Variants in FTCDNL1 observed in about 807,000 individuals in gnomAD.
FTCDNL1 encodes formiminotransferase N-terminal subdomain-containing protein.
In FTCDNL1, 11 loss-of-function variants were observed where a neutral mutation model predicts 5.9. The ratio of observed to expected loss-of-function variants is 1.87; its 90% CI spans 1.18 to 3.10. The LOEUF is 3.10. Among genes scored for constraint, FTCDNL1 ranks in the 30% most tolerant of loss-of-function variants. FTCDNL1 has a pLI of 0.00. For missense variants in FTCDNL1, 115 were observed against 65.5 expected (o/e 1.76, Z -2.61); for synonymous variants, 58 against 24.8 (o/e 2.34, Z -3.99).
chr2:199,781,532 T>C (rs750116149), intron 3 of FTCDNL1, among the ~76,000 whole-genome samples: 1 of 152,140 alleles, frequency 6.6e-6, no homozygotes, highest in Non-Finnish European at 1.5e-5. Context: ...ATTGACACAA[T>C]AGACCAGTAA....
chr2:199,774,122 C>T (rs368330776), intron 3 of FTCDNL1, among the ~76,000 whole-genome samples: 6 of 152,342 alleles, frequency 3.9e-5, no homozygotes, highest in African/African-American at 9.6e-5. Context: ...CCATCTTCTA[C>T]ACAAAAGTTC....
intron 3 of FTCDNL1, among the ~76,000 whole-genome samples, chr2:199,797,339 T>C (rs1213919140): frequency 6.6e-6 from 1 of 152,206 alleles, no homozygotes; most frequent in East Asian, 1.9e-4. Flanking sequence ...AGCTACATAT[T>C]ACACTGTCTG....
At chr2:199,845,591 G>A (rs1214671674) in intron 3 of FTCDNL1, among the ~76,000 whole-genome samples, 1 of 151,854 alleles carries the variant, frequency 6.6e-6, no homozygotes, top group Non-Finnish European at 1.5e-5. Flanking sequence ...AAGATAATCT[G>A]TCCTATGCTT....
At chr2:199,745,283 G>A in the FTCDNL1 span, among the ~76,000 whole-genome samples, 1 of 152,180 alleles carries the variant, frequency 6.6e-6, no homozygotes, top group Admixed American at 6.5e-5. Context: ...CTATCTTCAT[G>A]GAGTTTACAT....
chr2:199,678,822 CATTT>C, the FTCDNL1 span, among the ~76,000 whole-genome samples: 1 of 152,010 alleles, frequency 6.6e-6, no homozygotes, highest in African/African-American at 2.4e-5. Context: ...TATTATAACT[CATTT>C]AATTACTACT....
At chr2:199,771,550 A>G (rs1698811190) in intron 3 of FTCDNL1, among the ~76,000 whole-genome samples, 1 of 152,250 alleles carries the variant, frequency 6.6e-6, no homozygotes, top group Non-Finnish European at 1.5e-5. Flanking sequence ...CATAAAACAC[A>G]GTTTAAGACT....
At chr2:199,770,380 AAGTCCAACATCGCAT>A (rs1168228698) in intron 3 of FTCDNL1, among the ~76,000 whole-genome samples, 2 of 152,162 alleles carry the variant, frequency 1.3e-5, no homozygotes, top group Non-Finnish European at 1.5e-5. Flanking sequence ...AGATGACCTA[AAGTCCAACATCGCAT>A]AGTCAGTGAG....
chr2:199,824,488 T>C (rs536427932), intron 3 of FTCDNL1, among the ~76,000 whole-genome samples: 2 of 152,352 alleles, frequency 1.3e-5, no homozygotes, highest in Admixed American at 1.3e-4. Context: ...CAAGAACTTA[T>C]CCTTTGCATT....
rs148110272 is a variant in FTCDNL1 at position 199,823,554 on chromosome 2, T to C, written c.212-3797A>G. ...TGTGTTAGCAGGCATGAAAACAACA[T>C]TAATCTCCTTGTACATCTCCATCAG... On this transcript the variant is annotated intron_variant, in intron 3 of 4. Coordinates refer to ENST00000420128, the MANE Select transcript of FTCDNL1 (RefSeq NM_001363886.2). Among the ~76,000 whole-genome samples, 43 of 152,348 alleles carry C rather than the reference T, an allele frequency of 2.8e-4. No homozygotes were observed. In the East Asian group the frequency reaches 8.3e-3, roughly 29 times the overall value.
At chr2:199,702,951 G>A in the FTCDNL1 span, among the ~76,000 whole-genome samples, 1 of 152,182 alleles carries the variant, frequency 6.6e-6, no homozygotes, top group South Asian at 2.1e-4. Flanking sequence ...GAGGGTGATT[G>A]AGTGGGAGGT....
At chr2:199,732,969 G>A in the FTCDNL1 span, among the ~76,000 whole-genome samples, 2 of 152,186 alleles carry the variant, frequency 1.3e-5, no homozygotes, top group African/African-American at 4.8e-5. Flanking sequence ...TTGAGTTGGG[G>A]TGGGGTGGAG....
chr2:199,719,665 T>G, the FTCDNL1 span, among the ~76,000 whole-genome samples: 1 of 152,050 alleles, frequency 6.6e-6, no homozygotes, highest in Non-Finnish European at 1.5e-5. Context: ...GACAGGGTCT[T>G]ACTCTGTTAC....
chr2:199,758,451 CAAA>C (rs754047700), downstream of FTCDNL1, among the ~76,000 whole-genome samples: 11 of 93,224 alleles, frequency 1.2e-4, no homozygotes, highest in Admixed American at 1.1e-4. Flanking sequence ...CCATTCCCAC[CAAA>C]AAAAAAAAAA....
At position 199,809,954 on chromosome 2, in the gene FTCDNL1, A is replaced by C. The variant is rs1700942459; in HGVS notation, c.*2751T>G. 7.0e-6 allele frequency among the ~76,000 whole-genome samples: 1 copy of C among 143,478 alleles called. No individual in the cohort carries two copies. The allele number at this position is 143,478 out of a possible 152,430, so 94.1% of individuals were successfully genotyped here. A position where few individuals can be genotyped will look rare whatever the true frequency, so the allele number is the denominator to read the frequency against. ...TTTTAGTCACTTAGTATCTGATTTTATTTTGCTGATAATATTTTTTTCCAT... is the reference window on the plus strand; with the variant it reads ...TTTTAGTCACTTAGTATCTGATTTTCTTTTGCTGATAATATTTTTTTCCAT... On this transcript the variant is annotated 3_prime_UTR_variant, in exon 5 of 5. Transcript: ENST00000420128.
At chr2:199,697,908 A>T in the FTCDNL1 span, among the ~76,000 whole-genome samples, 7 of 152,208 alleles carry the variant, frequency 4.6e-5, no homozygotes, top group Non-Finnish European at 8.8e-5. Context: ...ATGACACCCA[A>T]AGGCTCACAG....
chr2:199,720,813 T>C, the FTCDNL1 span, among the ~76,000 whole-genome samples: 1 of 151,586 alleles, frequency 6.6e-6, no homozygotes, highest in Non-Finnish European at 1.5e-5. Flanking sequence ...CAAGGAGAAA[T>C]GGGGGTAAGC....
chr2:199,840,477 TGTGA>T (rs2076552697), intron 3 of FTCDNL1, among the ~76,000 whole-genome samples: 1 of 152,102 alleles, frequency 6.6e-6, no homozygotes, highest in African/African-American at 2.4e-5. Flanking sequence ...TCTGTGTTTG[TGTGA>T]GTGTGTGTGT....
the FTCDNL1 span, among the ~76,000 whole-genome samples, chr2:199,688,453 T>G: frequency 6.6e-6 from 1 of 152,024 alleles, no homozygotes; most frequent in African/African-American, 2.4e-5. Context: ...CCCTTTTTTG[T>G]TGTTTTTAAA....
the FTCDNL1 span, among the ~76,000 whole-genome samples, chr2:199,742,600 G>GT: frequency 4.6e-5 from 7 of 152,214 alleles, no homozygotes; most frequent in East Asian, 1.9e-4. Flanking sequence ...CATACTAAGT[G>GT]TTTTTTATGG....
Sources: allele counts gnomAD v4.1 joint callset (sites outside exome capture counted in the v4.1 genomes callset), GRCh38; gene constraint gnomAD v4.1.1; transcripts MANE v1.5; gene names NCBI Gene and HGNC (gene_info 2026-07-23, HGNC 2026-07-21).